The following PCDH7 variants were observed in gnomAD, a reference collection of about 807,000 sequenced individuals.
PCDH7 encodes the protein protocadherin 7, also known as protocadherin-7.
Under a neutral mutation model 58.9 loss-of-function variants are expected in PCDH7, and 17 were observed. The ratio of observed to expected loss-of-function variants is 0.29; its 90% CI spans 0.20 to 0.43. PCDH7 has a LOEUF of 0.43. PCDH7 is among the 20% of genes least tolerant of loss of function. The probability of loss-of-function intolerance (pLI) is 1.00; values close to 1 mark genes in which losing one functional copy is unlikely to be tolerated. For synonymous variants in PCDH7, 664 were observed against 616.4 expected, an observed-to-expected ratio of 1.08 and a Z score of -1.14; for missense variants, 1,274 against 1,441.0, an observed-to-expected ratio of 0.88 and a Z score of 1.88.
At chr4:30,861,553 A>G (rs1734203148) in intron 1 of PCDH7, among the ~76,000 whole-genome samples, 1 of 152,148 alleles carries the variant, frequency 6.6e-6, no homozygotes, top group Non-Finnish European at 1.5e-5. Context: ...TTTAGGATAG[A>G]TAATTTTTAA....
intron 1 of PCDH7, among the ~76,000 whole-genome samples, chr4:30,911,627 A>G (rs562692304): frequency 1.4e-4 from 21 of 152,270 alleles, no homozygotes; most frequent in African/African-American, 4.8e-4. Context: ...TAGAAAAACA[A>G]TTGCCTACAT....
intron 3 of PCDH7, among the ~76,000 whole-genome samples, chr4:30,974,390 T>C (rs186955573): frequency 2.2e-4 from 34 of 152,110 alleles, no homozygotes; most frequent in African/African-American, 6.3e-4. Context: ...AGGTTTTTTT[T>C]TCTCTCTCTT....
intron 3 of PCDH7, among the ~76,000 whole-genome samples, chr4:31,128,453 G>T (rs1718579715): frequency 1.3e-5 from 2 of 152,076 alleles, no homozygotes; most frequent in Non-Finnish European, 2.9e-5. Flanking sequence ...AGAGCCTTCT[G>T]CTATTCATCT....
intron 3 of PCDH7, among the ~76,000 whole-genome samples, chr4:31,115,415 T>C (rs1716873266): frequency 1.3e-5 from 2 of 152,122 alleles, no homozygotes; most frequent in South Asian, 4.1e-4. Flanking sequence ...ATAATTGACA[T>C]GATGTGTTTA....
At chr4:30,862,985 A>G (rs899630756) in intron 1 of PCDH7, among the ~76,000 whole-genome samples, 4 of 152,162 alleles carry the variant, frequency 2.6e-5, no homozygotes, top group South Asian at 2.1e-4. Flanking sequence ...TGTATACAAC[A>G]GATAAGTACT....
chr4:30,902,262 T>G (rs1002144827), intron 1 of PCDH7, among the ~76,000 whole-genome samples: 1 of 152,180 alleles, frequency 6.6e-6, no homozygotes, highest in African/African-American at 2.4e-5. Flanking sequence ...TGTTGCAGTA[T>G]GTAAGTCTGT....
chr4:31,128,247 G>A (rs1020715466), intron 3 of PCDH7, among the ~76,000 whole-genome samples: 8 of 151,876 alleles, frequency 5.3e-5, no homozygotes, highest in Admixed American at 1.3e-4. Context: ...TCCTTAAATG[G>A]ATTCAGTCAC....
intron 1 of PCDH7, among the ~76,000 whole-genome samples, chr4:30,808,655 T>C (rs1344689086): frequency 6.6e-6 from 1 of 152,180 alleles, no homozygotes; most frequent in African/African-American, 2.4e-5. Context: ...TTGAATCAGA[T>C]AAAAACAAAT....
At chr4:30,931,823 CT>C (rs59504939) in intron 2 of PCDH7, among the ~76,000 whole-genome samples, 6,836 of 140,172 alleles carry the variant, frequency 0.049, 316 homozygotes, top group African/African-American at 0.13. Flanking sequence ...TTTTTCAGGA[CT>C]TTTTTTTTTT....
intron 1 of PCDH7, among the ~76,000 whole-genome samples, chr4:30,745,768 TTG>T (rs1717695926): frequency 6.6e-6 from 1 of 151,928 alleles, no homozygotes; most frequent in African/African-American, 2.4e-5. Flanking sequence ...CTCAGTTTAT[TTG>T]TGTGTGTGTA....
chr4:30,724,273 A>G (rs1265121230), exon 1 of PCDH7: 2 of 1,613,594 alleles, frequency 1.2e-6, no homozygotes, highest in South Asian at 1.1e-5. Flanking sequence ...CTACAGCAGC[A>G]TTGTCACTGT....
chr4:30,882,442 A>G (rs992221891), intron 1 of PCDH7, among the ~76,000 whole-genome samples: 14 of 152,016 alleles, frequency 9.2e-5, no homozygotes, highest in Non-Finnish European at 1.8e-4. Flanking sequence ...TGTTCTTTGT[A>G]GAGACAGGAT....
chr4:30,826,818 G>A lies in PCDH7; in HGVS notation c.71-93335G>A, dbSNP rs369900720. 7.2e-4 allele frequency among the ~76,000 whole-genome samples: 110 copies of A among 152,064 alleles called. 2 individuals carry two copies. The South Asian group carries it at 0.015, about 21-fold the overall frequency. ...TCTGATCACTGCAGCCTAGACAACCGGGGATTAAGCAATCCTCCTGCCTCA... is the reference window on the plus strand; with the variant it reads ...TCTGATCACTGCAGCCTAGACAACCAGGGATTAAGCAATCCTCCTGCCTCA... On this transcript the variant is annotated intron_variant, in intron 1 of 3. Coordinates refer to the PCDH7 transcript ENST00000509759.
At chr4:30,917,846 A>G (rs2109412324) in intron 1 of PCDH7, among the ~76,000 whole-genome samples, 1 of 152,288 alleles carries the variant, frequency 6.6e-6, no homozygotes, top group African/African-American at 2.4e-5. Flanking sequence ...TGGAATAAAC[A>G]TTTAAGCACA....
intron 3 of PCDH7, among the ~76,000 whole-genome samples, chr4:31,032,599 T>C (rs564479846): frequency 2.2e-4 from 29 of 130,262 alleles, no homozygotes; most frequent in Admixed American, 5.0e-4. Flanking sequence ...TAGAGTCAGA[T>C]TCTGTCAAAA....
At chr4:30,922,061 T>G (rs1487816435) in intron 2 of PCDH7, among the ~76,000 whole-genome samples, 2 of 151,766 alleles carry the variant, frequency 1.3e-5, no homozygotes, top group African/African-American at 4.8e-5. Context: ...CCACATGTAA[T>G]TGCATGTATG....
At chr4:31,043,053 A>G (rs1313109565) in intron 3 of PCDH7, among the ~76,000 whole-genome samples, 1 of 152,054 alleles carries the variant, frequency 6.6e-6, no homozygotes, top group Non-Finnish European at 1.5e-5. Context: ...ATGATAATGC[A>G]TTAATCCATT....
intron 3 of PCDH7, among the ~76,000 whole-genome samples, chr4:31,138,490 TAAG>T (rs1435373273): frequency 6.6e-6 from 1 of 152,180 alleles, no homozygotes; most frequent in African/African-American, 2.4e-5. Context: ...TGTTATATTT[TAAG>T]AAGAAGCAAT....
chr4:30,749,639 G>A (rs1718245632), intron 1 of PCDH7, among the ~76,000 whole-genome samples: 1 of 152,172 alleles, frequency 6.6e-6, no homozygotes, highest in South Asian at 2.1e-4. Context: ...AAGAAAAAGA[G>A]ATAATAGATG....
Sources: allele counts gnomAD v4.1 joint callset (sites outside exome capture counted in the v4.1 genomes callset), GRCh38; gene constraint gnomAD v4.1.1; transcripts MANE v1.5; gene names NCBI Gene and HGNC (gene_info 2026-07-23, HGNC 2026-07-21).